Variants in C3orf22 observed in about 807,000 individuals in gnomAD.
The protein encoded by C3orf22 is chromosome 3 open reading frame 22.
C3orf22 carries 7 observed loss-of-function variants against 10.8 expected under a neutral mutation model. The observed-to-expected ratio is 0.65, with a 90% CI of 0.37 to 1.22. The LOEUF is 1.22. Ranked by LOEUF, C3orf22 falls within the 50% of genes most tolerant of loss-of-function variation. C3orf22 has a pLI of 0.02. For missense variants in C3orf22, 173 were observed against 177.0 expected (o/e 0.98, Z 0.13); for synonymous variants, 79 against 78.9 (o/e 1.00, Z 0.00).
At position 126,541,618 on chromosome 3, in the gene C3orf22, G is replaced by A. The variant is rs899074449; in HGVS notation, c.286+7919C>T. The A allele has an allele frequency of 3.0e-6, 3 of 1,007,050 alleles. No homozygotes were observed. In the South Asian group the frequency reaches 5.7e-5, roughly 19 times the overall value. The allele number at this position is 1,007,050 out of a possible 1,614,324, so 62.4% of individuals were successfully genotyped here. A position where few individuals can be genotyped will look rare whatever the true frequency, so the allele number is the denominator to read the frequency against. ...ACAGCCCTGGGGTTCGAATTTGGGTGCCCGGCGCAGCTCCTGCTCCCAATT... is the reference window on the plus strand; with the variant it reads ...ACAGCCCTGGGGTTCGAATTTGGGTACCCGGCGCAGCTCCTGCTCCCAATT... On this transcript the variant is annotated intron_variant and NMD_transcript_variant, in intron 4 of 5. Transcript: ENST00000505070.
chr3:126,547,351 G>A (rs773523391), downstream of C3orf22, among the ~76,000 whole-genome samples: 34 of 152,342 alleles, frequency 2.2e-4, no homozygotes, highest in South Asian at 6.2e-4. Context: ...TCCATGCGGT[G>A]CAGCTTCCTG....
rs1165832332 is a variant in C3orf22 at position 126,549,879 on chromosome 3, C to T, written c.415G>A (p.Gly139Ser). The T allele has an allele frequency of 1.9e-6, 3 of 1,612,694 alleles. No homozygotes were observed. The highest frequency in any genetic ancestry group is 1.3e-5 in the African/African-American group (1 of 74,872). Residue 139 changes from glycine (G) to serine (S), a missense_variant, in exon 4 of 4, where the codon GGC becomes AGC. Coordinates refer to ENST00000318225, the MANE Select transcript of C3orf22 (RefSeq NM_152533.3). The stretch of plus-strand genomic sequence containing the variant: ...ACAGAGCCCAGTCTCTAGGAGAGGC[C>T]CCTGGACAGCCCTGCCGCCTTGCTG... ...QTSKAAGLSR[G>S]LS
At chr3:126,548,176 G>T (rs1409793302), downstream of C3orf22, among the ~76,000 whole-genome samples, 1 of 152,196 alleles carries the variant, frequency 6.6e-6, no homozygotes, top group South Asian at 2.1e-4. Flanking sequence ...TGTATTTTTA[G>T]TAGAGACGGG....
downstream of C3orf22, chr3:126,549,421 T>C (rs1322013508): frequency 5.0e-6 from 2 of 402,246 alleles, no homozygotes; most frequent in East Asian, 7.2e-5. Context: ...CTGCCTAAGA[T>C]TTCCGGGAGT....
At chr3:126,528,515 T>C (rs1018035228) in intron 5 of C3orf22, among the ~76,000 whole-genome samples, 3 of 151,652 alleles carry the variant, frequency 2.0e-5, no homozygotes, top group African/African-American at 7.3e-5. Flanking sequence ...GCCCTGTGGG[T>C]TTAGAGATCA....
chr3:126,528,228 G>A (rs548207816), intron 5 of C3orf22, among the ~76,000 whole-genome samples: 1 of 152,110 alleles, frequency 6.6e-6, no homozygotes, highest in South Asian at 2.1e-4. Context: ...AGTCTTGAAT[G>A]GGATGCTAGG....
At position 126,538,073 on chromosome 3, in the gene C3orf22, A is replaced by G. The variant is rs187059417; in HGVS notation, c.287-8701T>C. ...TCCCCAAAGAGAGCTGTGTGACCTCAGGCAACTCATTTCCCCTGAGTCTCA... is the reference window on the plus strand; with the variant it reads ...TCCCCAAAGAGAGCTGTGTGACCTCGGGCAACTCATTTCCCCTGAGTCTCA... On this transcript the variant is annotated intron_variant and NMD_transcript_variant, in intron 4 of 5. Transcript: ENST00000505070. Among the ~76,000 whole-genome samples the G allele has an allele frequency of 2.6e-5, 4 of 152,350 alleles. No individual in the cohort carries two copies. The East Asian group carries it at 7.7e-4, about 29-fold the overall frequency.
downstream of C3orf22, among the ~76,000 whole-genome samples, chr3:126,548,531 A>T (rs181593787): frequency 4.3e-3 from 649 of 152,324 alleles, 3 homozygotes; most frequent in Non-Finnish European, 7.8e-3. Flanking sequence ...CCAAATGAAG[A>T]TCAGCCTGGC....
At chr3:126,552,516 G>A (rs1937217024) in intron 2 of C3orf22, among the ~76,000 whole-genome samples, 1 of 152,196 alleles carries the variant, frequency 6.6e-6, no homozygotes, top group Non-Finnish European at 1.5e-5. Flanking sequence ...AGAATGGGGT[G>A]CAAGGTTATG....
exon 6 of C3orf22, chr3:126,527,397 C>T (rs1040521924): frequency 3.9e-5 from 6 of 152,414 alleles, no homozygotes; most frequent in African/African-American, 1.4e-4. Context: ...GATCACACCT[C>T]CAGCTGTGGT....
intron 4 of C3orf22, among the ~76,000 whole-genome samples, chr3:126,532,929 T>A (rs1936687601): frequency 6.6e-6 from 1 of 152,218 alleles, no homozygotes; most frequent in African/African-American, 2.4e-5. Flanking sequence ...TTTGGGTCTT[T>A]AATTTCTTTC....
chr3:126,534,307 C>T (rs1936717057), intron 4 of C3orf22, among the ~76,000 whole-genome samples: 1 of 152,162 alleles, frequency 6.6e-6, no homozygotes, highest in African/African-American at 2.4e-5. Context: ...TTCCTTAAAA[C>T]AGATTTTGAG....
At chr3:126,535,155 CGGG>C (rs1936750691) in intron 4 of C3orf22, among the ~76,000 whole-genome samples, 3 of 106,726 alleles carry the variant, frequency 2.8e-5, no homozygotes, top group African/African-American at 1.1e-4. Flanking sequence ...TGTCCCCAGC[CGGG>C]AGACAGACAG....
intron 1 of C3orf22, 92 bp downstream of exon 1, chr3:126,558,535 C>G (rs761699557): frequency 4.6e-5 from 7 of 152,418 alleles, no homozygotes; most frequent in Non-Finnish European, 7.3e-5. Flanking sequence ...GACCCTGTCC[C>G]AGGCTCTTCT....
chr3:126,539,779 A>ACACACCACACACCACAGACAC (rs1936897498), intron 4 of C3orf22, among the ~76,000 whole-genome samples: 1 of 73,046 alleles, frequency 1.4e-5, no homozygotes. Context: ...CACAGCACAC[A>ACACACCACACACCACAGACAC]CACACCACAC....
intron 1 of C3orf22, among the ~76,000 whole-genome samples, chr3:126,554,562 C>T (rs1266219327): frequency 6.6e-6 from 1 of 152,188 alleles, no homozygotes; most frequent in Non-Finnish European, 1.5e-5. Context: ...CCGCGCCTGG[C>T]CCGGCTGTAC....
At chr3:126,531,349 G>T (rs1042789169) in intron 4 of C3orf22, among the ~76,000 whole-genome samples, 1 of 152,268 alleles carries the variant, frequency 6.6e-6, no homozygotes, top group South Asian at 2.1e-4. Flanking sequence ...AAGTTTACTG[G>T]CGTGCCAGAA....
At chr3:126,538,985 G>A (rs1936862826) in intron 4 of C3orf22, among the ~76,000 whole-genome samples, 1 of 152,180 alleles carries the variant, frequency 6.6e-6, no homozygotes, top group East Asian at 1.9e-4. Flanking sequence ...AGATCCCTGG[G>A]TGTCCTTCCA....
At chr3:126,530,676 T>C (rs1018950233) in intron 4 of C3orf22, among the ~76,000 whole-genome samples, 43 of 152,364 alleles carry the variant, frequency 2.8e-4, no homozygotes, top group African/African-American at 1.0e-3. Flanking sequence ...AGCCTGGGTC[T>C]CCCTGCACCA....
Sources: gnomAD v4.1 joint callset for allele counts (sites outside exome capture counted in the v4.1 genomes callset) on GRCh38, gnomAD v4.1.1 for gene constraint, MANE v1.5 for transcripts, NCBI Gene and HGNC (gene_info 2026-07-23, HGNC 2026-07-21) for gene names.